The following ADCY10 variants were observed in gnomAD, a reference collection of about 807,000 sequenced individuals.
ADCY10 encodes adenylate cyclase type 10.
Under a neutral mutation model 183.3 loss-of-function variants are expected in ADCY10, and 156 were observed. The observed-to-expected ratio is 0.85, with a 90% CI of 0.75 to 0.97. ADCY10 has a LOEUF of 0.97. Ranked by LOEUF, ADCY10 falls within the 50% of genes least tolerant of loss-of-function variation. The pLI, the probability that ADCY10 is intolerant of heterozygous loss-of-function variation, is 0.00. For missense variants in ADCY10, 1,745 were observed against 1,934.3 expected (o/e 0.90, Z 1.84); for synonymous variants, 645 against 670.0 (o/e 0.96, Z 0.58).
Position 167,895,456 on chromosome 1 carries a change from T to C in ADCY10, c.739+1139A>G, listed in dbSNP as rs527987264. Among the ~76,000 whole-genome samples the C allele has an allele frequency of 3.7e-4, 57 of 152,286 alleles. 1 individual carries two copies. The South Asian group carries it at 0.011, about 29-fold the overall frequency. On this transcript the variant is annotated intron_variant, in intron 7 of 32. Coordinates refer to ENST00000367851, the MANE Select transcript of ADCY10 (RefSeq NM_018417.6). ...CTTCTATTTGTAACATCTAAAATAC[T>C]CCAGACCTGTACATAAATGATGAGA...
chr1:167,820,019 T>C, intron 30 of ADCY10: 1 of 1,566,566 alleles, frequency 6.4e-7, no homozygotes, highest in South Asian at 1.1e-5. Flanking sequence ...TTTCTTCTTT[T>C]TTCCTATGAC....
chr1:167,888,598 C>T (rs1007453759), intron 8 of ADCY10, among the ~76,000 whole-genome samples: 3 of 151,840 alleles, frequency 2.0e-5, no homozygotes, highest in Non-Finnish European at 4.4e-5. Context: ...ATTTTTGGGC[C>T]GGGCGCGGTG....
At chr1:167,901,854 T>A in intron 4 of ADCY10, 49 bp from the exon 5 acceptor site, 1 of 1,613,890 alleles carries the variant, frequency 6.2e-7, no homozygotes, top group Non-Finnish European at 8.5e-7. Flanking sequence ...TGGGGATCAA[T>A]CTATTTTGTA....
At chr1:167,860,277 G>A (rs1342357198) in intron 15 of ADCY10, among the ~76,000 whole-genome samples, 1 of 152,052 alleles carries the variant, frequency 6.6e-6, no homozygotes, top group Non-Finnish European at 1.5e-5. Flanking sequence ...AGATCATCAG[G>A]CATTAGATTC....
chr1:167,900,259 A>G (rs1391604808), intron 5 of ADCY10, among the ~76,000 whole-genome samples: 1 of 152,162 alleles, frequency 6.6e-6, no homozygotes, highest in African/African-American at 2.4e-5. Flanking sequence ...TTTATTTTTT[A>G]TCTTCGCTCT....
chr1:167,906,018 GT>G (rs1285602773), intron 1 of ADCY10, among the ~76,000 whole-genome samples: 1 of 152,050 alleles, frequency 6.6e-6, no homozygotes, highest in African/African-American at 2.4e-5. Flanking sequence ...AAGAGGATTT[GT>G]TTTTTTAAGA....
Position 167,846,057 on chromosome 1 carries a change from C to A in ADCY10, c.2644G>T (p.Ala882Ser), listed in dbSNP as rs1348939556. Residue 882 changes from alanine to serine, a missense_variant, in exon 20 of 33, where the codon GCC (alanine) becomes TCC (serine). By Grantham distance (99) the Ala-to-Ser change is moderately conservative (BLOSUM62 1). Transcript: ENST00000367851. Reference protein sequence around the residue: ...CFRNGKELQKALKQNDPSFEV... With the variant: ...CFRNGKELQKSLKQNDPSFEV... ...AATGAGGGATCATTCTGTTTCAGGG[C>A]CTTTTGAAGCTCCTTGCCATTCCGG... The A allele has an allele frequency of 1.2e-6, 2 of 1,614,062 alleles. No homozygotes were observed. Among genetic ancestry groups the A allele is most frequent in the Non-Finnish European group, 8.5e-7 (1 of 1,180,034 alleles).
intron 1 of ADCY10, among the ~76,000 whole-genome samples, chr1:167,907,726 T>G (rs1233635580): frequency 6.6e-6 from 1 of 152,248 alleles, no homozygotes; most frequent in Non-Finnish European, 1.5e-5. Context: ...CAACATTATT[T>G]CCTATTTTGG....
Position 167,845,553 on chromosome 1 carries a change from A to T in ADCY10, c.3007+10T>A. On this transcript the variant is annotated intron_variant, in intron 21 of 32. Transcript: ENST00000367851. ...AACAGTTAGGATAATTTTAAAATGA[A>T]GTAGGTTACTTTTAAATCCATGAGA... is the stretch of plus-strand genomic sequence containing the variant. 15 of 1,613,740 alleles carry T rather than the reference A, an allele frequency of 9.3e-6. No individual in the cohort carries two copies. Among genetic ancestry groups the T allele is most frequent in the Non-Finnish European group, 1.3e-5 (15 of 1,179,612 alleles).
chr1:167,896,608 A>G lies in ADCY10; in HGVS notation c.726T>C (p.Ser242=). Residue 242 remains serine, a synonymous_variant, in exon 7 of 33, where the codon TCT becomes TCC. Transcript: ENST00000367851. ...GTGGGTACTTACTTTTGTGCTCACC[A>G]GAAGGATAATAATGCATGAAGGTCG... ...KCTTFMHYYP[S]GEHKNLLRLA... 6.2e-7 allele frequency: 1 copy of G among 1,612,520 alleles called. No homozygotes were observed. Among genetic ancestry groups the G allele is most frequent in the East Asian group, 2.2e-5 (1 of 44,876 alleles).
At chr1:167,860,010 A>T in intron 15 of ADCY10, 117 bp from the exon 16 acceptor site, 10 of 839,694 alleles carry the variant, frequency 1.2e-5, no homozygotes, top group South Asian at 7.0e-5. Flanking sequence ...CATGTGTTAG[A>T]TAAGTGGTCC....
At position 167,854,429 on chromosome 1, in the gene ADCY10, C is replaced by T; in HGVS notation, c.2232G>A (p.Leu744=). ...GGAAAACGAGTACCTCATGATGTTC[C>T]AGGTTTTTAAGCAATTCTTCACAGT... ...PFYCEELLKN[L]EHHEVLVFQQ... The change falls in exon 18 of 33, where the codon CTG becomes CTA. Residue 744 remains leucine (L), a synonymous_variant. Transcript: ENST00000367851. The T allele has an allele frequency of 1.2e-6, 2 of 1,614,186 alleles. No homozygotes were observed. Among genetic ancestry groups the T allele is most frequent in the Non-Finnish European group, 1.7e-6 (2 of 1,180,034 alleles).
chr1:167,829,138 A>C (rs531574467), intron 26 of ADCY10, 129 bp downstream of exon 26: 1 of 1,124,822 alleles, frequency 8.9e-7, no homozygotes, highest in African/African-American at 1.5e-5. Flanking sequence ...TGGCCTTGTC[A>C]AAACAAGCCA....
At chr1:167,902,730 G>A (rs1446054703) in intron 3 of ADCY10, among the ~76,000 whole-genome samples, 1 of 152,182 alleles carries the variant, frequency 6.6e-6, no homozygotes, top group Non-Finnish European at 1.5e-5. Context: ...TAGGCCAGGA[G>A]TTCACCATAA....
intron 18 of ADCY10, among the ~76,000 whole-genome samples, chr1:167,852,822 C>A (rs1291709545): frequency 6.6e-6 from 1 of 151,840 alleles, no homozygotes; most frequent in African/African-American, 2.4e-5. Context: ...CTCAGACAAC[C>A]ATCTGTCTCA....
Position 167,859,789 on chromosome 1 carries a change from A to ATG in ADCY10, c.1896+17_1896+18insCA. 1 of 1,600,064 alleles carries ATG rather than the reference A, an allele frequency of 6.2e-7. No individual in the cohort carries two copies. Among genetic ancestry groups the ATG allele is most frequent in the Non-Finnish European group, 8.6e-7 (1 of 1,167,336 alleles). The stretch of plus-strand genomic sequence containing the variant: ...CCAGTTTTCTTCCCCCTACTTCTTG[A>ATG]CCCACAGATGCTCTTACCAGCTTCA... On this transcript the variant is annotated intron_variant, in intron 16 of 32. Coordinates refer to ENST00000367851, the MANE Select transcript of ADCY10 (RefSeq NM_018417.6).
chr1:167,857,359 C>A (rs1665983475), intron 16 of ADCY10, among the ~76,000 whole-genome samples: 1 of 152,216 alleles, frequency 6.6e-6, no homozygotes, highest in Non-Finnish European at 1.5e-5. Flanking sequence ...CCCGTTCTGT[C>A]ACCAAATACT....
chr1:167,820,165 T>G, intron 30 of ADCY10: 1 of 1,543,058 alleles, frequency 6.5e-7, no homozygotes, highest in East Asian at 2.5e-5. Flanking sequence ...GCCCCGCAGA[T>G]TCCCCGAATG....
At chr1:167,887,890 T>TC (rs2102310366) in intron 8 of ADCY10, among the ~76,000 whole-genome samples, 1 of 152,244 alleles carries the variant, frequency 6.6e-6, no homozygotes, top group Admixed American at 6.5e-5. Context: ...CTTGAGAGTC[T>TC]CCCCAATGTT....
Sources: allele counts gnomAD v4.1 joint callset (sites outside exome capture counted in the v4.1 genomes callset), GRCh38; gene constraint gnomAD v4.1.1; transcripts MANE v1.5; gene names NCBI Gene and HGNC (gene_info 2026-07-23, HGNC 2026-07-21).